Variants in BMAL1 observed in about 807,000 individuals in gnomAD.
The protein encoded by BMAL1 is basic helix-loop-helix ARNT like 1, also known as basic helix-loop-helix ARNT-like protein 1.
the BMAL1 span, chr11:13,356,603 C>A: frequency 2.1e-6 from 2 of 958,870 alleles, no homozygotes; most frequent in Non-Finnish European, 3.1e-6. Flanking sequence ...TATTATACAT[C>A]ATTAATTGAT....
At chr11:13,340,505 T>C in the BMAL1 span, among the ~76,000 whole-genome samples, 1 of 152,328 alleles carries the variant, frequency 6.6e-6, no homozygotes. Flanking sequence ...AACAAAGCGG[T>C]TGGACTCTTA....
the BMAL1 span, among the ~76,000 whole-genome samples, chr11:13,378,093 C>T: frequency 6.6e-6 from 1 of 152,032 alleles, no homozygotes; most frequent in Non-Finnish European, 1.5e-5. Context: ...TTTTTCAGTG[C>T]ATGAAGGGAA....
chr11:13,378,530 T>G, the BMAL1 span: 8 of 1,539,724 alleles, frequency 5.2e-6, no homozygotes, highest in Non-Finnish European at 7.0e-6. Context: ...TTTTGCAATG[T>G]CAGGAGACAT....
the BMAL1 span, among the ~76,000 whole-genome samples, chr11:13,284,693 G>C: frequency 6.6e-6 from 1 of 152,006 alleles, no homozygotes; most frequent in Non-Finnish European, 1.5e-5. Flanking sequence ...GAGGGAAGAA[G>C]CTCTTTTTGC....
chr11:13,284,074 TGG>T, the BMAL1 span, among the ~76,000 whole-genome samples: 11 of 77,812 alleles, frequency 1.4e-4, no homozygotes, highest in African/African-American at 4.1e-4. Context: ...TCCACAGTGT[TGG>T]GGTGTGTGTG....
At chr11:13,303,517 A>C in the BMAL1 span, among the ~76,000 whole-genome samples, 1 of 152,238 alleles carries the variant, frequency 6.6e-6, no homozygotes, top group East Asian at 1.9e-4. Flanking sequence ...TTAACAAACA[A>C]ACCCCCAAAT....
the BMAL1 span, among the ~76,000 whole-genome samples, chr11:13,304,392 T>A: frequency 6.6e-6 from 1 of 152,230 alleles, no homozygotes; most frequent in East Asian, 1.9e-4. Flanking sequence ...AAGATTATTC[T>A]GAGGTTTTGG....
the BMAL1 span, among the ~76,000 whole-genome samples, chr11:13,351,777 T>G: frequency 6.6e-6 from 1 of 152,302 alleles, no homozygotes; most frequent in South Asian, 2.1e-4. Context: ...AGGAGAGAAC[T>G]GGCCATTGGA....
At chr11:13,348,512 T>G in the BMAL1 span, among the ~76,000 whole-genome samples, 35,593 of 151,326 alleles carry the variant, frequency 0.24, 5,424 homozygotes, top group Non-Finnish European at 0.34. Context: ...TAGAGGGCTG[T>G]GTGGGGGCTG....
At chr11:13,372,810 C>CA in the BMAL1 span, among the ~76,000 whole-genome samples, 62 of 148,980 alleles carry the variant, frequency 4.2e-4, 2 homozygotes, top group Middle Eastern at 6.9e-3. Flanking sequence ...GACCCTGTTT[C>CA]AAAAAAAAAG....
chr11:13,295,542 C>T, the BMAL1 span, among the ~76,000 whole-genome samples: 1 of 151,816 alleles, frequency 6.6e-6, no homozygotes, highest in Non-Finnish European at 1.5e-5. Context: ...GGAGGAGACC[C>T]CTTGCGAGGG....
chr11:13,382,019 TC>T, the BMAL1 span, among the ~76,000 whole-genome samples: 1 of 152,120 alleles, frequency 6.6e-6, no homozygotes, highest in East Asian at 1.9e-4. Flanking sequence ...TAGGCAGGAC[TC>T]CTAGGGCACA....
the BMAL1 span, among the ~76,000 whole-genome samples, chr11:13,333,035 C>T: frequency 6.6e-6 from 1 of 150,698 alleles, no homozygotes; most frequent in Non-Finnish European, 1.5e-5. Context: ...GGCGTGATCT[C>T]AGCTCATTGC....
the BMAL1 span, among the ~76,000 whole-genome samples, chr11:13,357,548 T>C: frequency 6.6e-6 from 1 of 152,236 alleles, no homozygotes; most frequent in Non-Finnish European, 1.5e-5. This position sits in a 1 kb window ranked among gnomAD's most constrained non-coding sequence, Gnocchi z 4.8. Context: ...TGCCTGGGTC[T>C]GTCCTGCCTC....
chr11:13,386,758 C>T, the BMAL1 span: 1 of 1,613,484 alleles, frequency 6.2e-7, no homozygotes, highest in Non-Finnish European at 8.5e-7. Flanking sequence ...CCGCTGTAAA[C>T]ACTACATGTT....
chr11:13,294,662 A>T, the BMAL1 span, among the ~76,000 whole-genome samples: 2 of 152,222 alleles, frequency 1.3e-5, no homozygotes, highest in African/African-American at 4.8e-5. Flanking sequence ...GTCCTGAGTA[A>T]CTTTCCTCCT....
chr11:13,283,287 A>G, the BMAL1 span, among the ~76,000 whole-genome samples: 1 of 152,192 alleles, frequency 6.6e-6, no homozygotes, highest in Non-Finnish European at 1.5e-5. Flanking sequence ...TCACTGTTTG[A>G]AATGTCTGAC....
At chr11:13,360,544 C>T in the BMAL1 span, 1 of 778,016 alleles carries the variant, frequency 1.3e-6, no homozygotes, top group Non-Finnish European at 2.1e-6. Context: ...TGCTTCCTCT[C>T]TCAGGTCCCT....
At chr11:13,359,403 C>CT in the BMAL1 span, among the ~76,000 whole-genome samples, 27 of 152,282 alleles carry the variant, frequency 1.8e-4, no homozygotes, top group Middle Eastern at 3.4e-3. Flanking sequence ...TTTTGTCTGA[C>CT]TTTAGATCAT....
Sources: gnomAD v4.1 joint callset for allele counts (sites outside exome capture counted in the v4.1 genomes callset) on GRCh38, gnomAD v4.1.1 for gene constraint, Gnocchi (gnomAD v3.1) non-coding constraint, MANE v1.5 for transcripts, NCBI Gene and HGNC (gene_info 2026-07-23, HGNC 2026-07-21) for gene names.